Variants in IQSEC1 observed in about 807,000 individuals in gnomAD.
The protein encoded by IQSEC1 is IQ motif and Sec7 domain ArfGEF 1.
In IQSEC1, 31 loss-of-function variants were observed where a neutral mutation model predicts 91.0. That is an observed-to-expected ratio of 0.34 (90% CI 0.26 to 0.46). The LOEUF is 0.46. Among genes scored for constraint, IQSEC1 ranks in the 20% least tolerant of loss-of-function variants. The pLI, the probability that IQSEC1 is intolerant of heterozygous loss-of-function variation, is 1.00. For synonymous variants in IQSEC1, 699 were observed against 662.6 expected, an observed-to-expected ratio of 1.05 and a Z score of -0.84; for missense variants, 1,388 against 1,575.6, an observed-to-expected ratio of 0.88 and a Z score of 2.02.
intron 2 of IQSEC1, among the ~76,000 whole-genome samples, chr3:13,100,822 C>T (rs1252587793): frequency 2.0e-5 from 3 of 148,824 alleles, no homozygotes; most frequent in East Asian, 3.8e-4. Flanking sequence ...GCCACAGCGT[C>T]GGGGGGACCG....
chr3:13,220,079 G>A (rs961642829), intron 1 of IQSEC1, among the ~76,000 whole-genome samples: 1 of 152,246 alleles, frequency 6.6e-6, no homozygotes, highest in African/African-American at 2.4e-5. Context: ...GGCTCCTGCT[G>A]GGACACTATT....
chr3:13,057,427 A>G (rs571087535), intron 1 of IQSEC1, among the ~76,000 whole-genome samples: 2 of 152,120 alleles, frequency 1.3e-5, no homozygotes, highest in Non-Finnish European at 2.9e-5. Flanking sequence ...CACAACACAC[A>G]CTCAGAACCA....
At position 12,922,032 on chromosome 3, in the gene IQSEC1, G is replaced by T. The variant is rs1278620251; in HGVS notation, c.1853+88C>A. On this transcript the variant is annotated intron_variant, in intron 5 of 13. Coordinates refer to ENST00000613206, the MANE Select transcript of IQSEC1 (RefSeq NM_001134382.3). The surrounding 1 kb of genome is among the most constrained non-coding windows in gnomAD (Gnocchi z 5.1). Reference sequence around the variant, plus strand: ...CCTGGCCCTGTCTAGGGATGGTGGGGATGCAGTCTTTGGTCCATCCTCGGG... The same window carrying T: ...CCTGGCCCTGTCTAGGGATGGTGGGTATGCAGTCTTTGGTCCATCCTCGGG... 2 of 1,437,186 alleles carry T rather than the reference G, an allele frequency of 1.4e-6. No individual in the cohort carries two copies. The highest frequency in any genetic ancestry group is 2.9e-5 in the African/African-American group (2 of 69,432). The allele number at this position is 1,437,186 out of a possible 1,614,324, so 89.0% of individuals were successfully genotyped here. A position where few individuals can be genotyped will look rare whatever the true frequency, so the allele number is the denominator to read the frequency against.
At chr3:12,938,834 T>TG (rs1027195064) in intron 2 of IQSEC1, among the ~76,000 whole-genome samples, 1 of 152,104 alleles carries the variant, frequency 6.6e-6, no homozygotes. Context: ...CTGTGTGTGT[T>TG]GGGGGCGAAG....
At chr3:13,164,241 C>T (rs1693425604) in intron 1 of IQSEC1, among the ~76,000 whole-genome samples, 1 of 152,112 alleles carries the variant, frequency 6.6e-6, no homozygotes, top group South Asian at 2.1e-4. Flanking sequence ...TCCCAGCATC[C>T]CCTCCCCAGC....
At position 13,027,372 on chromosome 3, in the gene IQSEC1, G is replaced by A. The variant is rs892274; in HGVS notation, c.23+45620C>T. Among the ~76,000 whole-genome samples, 1,326 of 152,280 alleles carry A rather than the reference G, an allele frequency of 8.7e-3. 16 individuals are homozygous for A. The highest frequency in any genetic ancestry group is 0.031 in the African/African-American group (1,271 of 41,544). ...GGAAAGAAGGCAGAGAAGAGCTTCC[G>A]CAAGTCCATCTTATGGAGCACAAAG... On this transcript the variant is annotated intron_variant, in intron 1 of 13. Coordinates refer to ENST00000613206, the MANE Select transcript of IQSEC1 (RefSeq NM_001134382.3).
chr3:13,183,123 C>T (rs1032746593), intron 1 of IQSEC1, among the ~76,000 whole-genome samples: 3 of 151,788 alleles, frequency 2.0e-5, no homozygotes, highest in Admixed American at 2.0e-4. Context: ...GAGATCACAC[C>T]ACCACACTCC....
rs1406779969 is a variant in IQSEC1, at chr3:12,967,740, A to C, written c.24-25875T>G. On this transcript the variant is annotated intron_variant, in intron 1 of 13. Transcript: ENST00000613206. The surrounding 1 kb of genome is among the most constrained non-coding windows in gnomAD (Gnocchi z 5.9). ...AATGTGGCCCTGAAGTGGGCGGGGC[A>C]GGGCGGGGGCGGGGCCGGAGGGCGA... 3.1e-5 allele frequency: 33 copies of C among 1,047,852 alleles called. No homozygotes were observed. Among genetic ancestry groups the C allele is most frequent in the Admixed American group, 5.5e-5 (1 of 18,104 alleles). The allele number at this position is 1,047,852 out of a possible 1,614,324, so 64.9% of individuals were successfully genotyped here.
At chr3:13,180,631 G>A (rs1291214427) in intron 1 of IQSEC1, among the ~76,000 whole-genome samples, 1 of 151,922 alleles carries the variant, frequency 6.6e-6, no homozygotes, top group African/African-American at 2.4e-5. Flanking sequence ...TCTTGCTGCT[G>A]CTCACTCTTT....
chr3:13,110,309 G>A (rs1314386849), intron 2 of IQSEC1, among the ~76,000 whole-genome samples: 3 of 152,058 alleles, frequency 2.0e-5, no homozygotes, highest in South Asian at 2.1e-4. Context: ...AAAGAAACCC[G>A]GCCGGGCGCG....
At chr3:13,218,377 T>C (rs1443020583) in intron 1 of IQSEC1, among the ~76,000 whole-genome samples, 1 of 152,172 alleles carries the variant, frequency 6.6e-6, no homozygotes, top group East Asian at 1.9e-4. Flanking sequence ...GAATGACTCA[T>C]AGGTGTGTGC....
chr3:13,222,402 A>G (rs1366150393), intron 1 of IQSEC1, among the ~76,000 whole-genome samples: 1 of 152,120 alleles, frequency 6.6e-6, no homozygotes, highest in Non-Finnish European at 1.5e-5. Context: ...ACCTTTGGCT[A>G]TTGTGAGTAA....
intron 1 of IQSEC1, among the ~76,000 whole-genome samples, chr3:13,227,351 G>A (rs1363745484): frequency 7.3e-6 from 1 of 136,330 alleles, no homozygotes; most frequent in African/African-American, 3.0e-5. Context: ...ATTCCAGCCT[G>A]GGCGACAAAG....
In IQSEC1 at chr3:12,965,456, C is replaced by T. The variant is rs187926280; in HGVS notation, c.24-23591G>A. ...CAAGGACTGGGTTGATTTCCTCTACCCCTCCCCCAAGCTTCCCATGGAACC... is the reference window on the plus strand; with the variant it reads ...CAAGGACTGGGTTGATTTCCTCTACTCCTCCCCCAAGCTTCCCATGGAACC... On this transcript the variant is annotated intron_variant, in intron 1 of 13. Transcript: ENST00000613206. Among the ~76,000 whole-genome samples the T allele has an allele frequency of 3.2e-3, 482 of 152,326 alleles. 1 individual carries two copies. Among genetic ancestry groups the T allele is most frequent in the Middle Eastern group, 0.014 (4 of 294 alleles).
chr3:13,073,241 C>T lies in IQSEC1; in HGVS notation c.-227G>A. ...AGGGCCCTGGCACGTAGCGCGCGCTCACACCGTGCCCAGGAGCGAGCGAGG... is the reference window on the plus strand; with the variant it reads ...AGGGCCCTGGCACGTAGCGCGCGCTTACACCGTGCCCAGGAGCGAGCGAGG... On this transcript the variant is annotated 5_prime_UTR_variant, in exon 1 of 14. Coordinates refer to ENST00000613206, the MANE Select transcript of IQSEC1 (RefSeq NM_001134382.3). 1.7e-6 allele frequency: 1 copy of T among 597,114 alleles called. No individual in the cohort carries two copies. The highest frequency in any genetic ancestry group is 2.9e-5 in the Admixed American group (1 of 34,356). The allele number at this position is 597,114 out of a possible 1,614,324, so 37.0% of individuals were successfully genotyped here. A position where few individuals can be genotyped will look rare whatever the true frequency, so the allele number is the denominator to read the frequency against.
At chr3:13,075,602 A>G (rs1013663623), upstream of IQSEC1, among the ~76,000 whole-genome samples, 2 of 152,116 alleles carry the variant, frequency 1.3e-5, no homozygotes, top group African/African-American at 4.8e-5. Context: ...CTTCTTATAA[A>G]CGTACTCTCC....
In IQSEC1 at chr3:12,922,606, C is replaced by T. The variant is rs910995801; in HGVS notation, c.1731-364G>A. Among the ~76,000 whole-genome samples, 1 of 152,208 alleles carries T rather than the reference C, an allele frequency of 6.6e-6. No individual in the cohort carries two copies. The highest frequency in any genetic ancestry group is 2.4e-5 in the African/African-American group (1 of 41,448). On this transcript the variant is annotated intron_variant, in intron 4 of 13. Coordinates refer to ENST00000613206, the MANE Select transcript of IQSEC1 (RefSeq NM_001134382.3). The surrounding 1 kb of genome is among the most constrained non-coding windows in gnomAD (Gnocchi z 5.1). ...TGGACGCCACTGTGAGTCTCCTCTC[C>T]TTCTGCACGGGGTTGGGGAGTTTGC...
At chr3:12,986,292 C>T (rs575078014) in intron 1 of IQSEC1, among the ~76,000 whole-genome samples, 1 of 152,130 alleles carries the variant, frequency 6.6e-6, no homozygotes, top group Non-Finnish European at 1.5e-5. Flanking sequence ...GCCTAGAGTT[C>T]CCTGGAGCCC....
chr3:12,905,442 G>A (rs1422186380), intron 12 of IQSEC1, among the ~76,000 whole-genome samples: 1 of 152,266 alleles, frequency 6.6e-6, no homozygotes, highest in Non-Finnish European at 1.5e-5. Context: ...ACACTCGGCC[G>A]GCGCTGCCTG....
Sources: gnomAD v4.1 joint callset for allele counts (sites outside exome capture counted in the v4.1 genomes callset) on GRCh38, gnomAD v4.1.1 for gene constraint, Gnocchi (gnomAD v3.1) non-coding constraint, MANE v1.5 for transcripts, NCBI Gene and HGNC (gene_info 2026-07-23, HGNC 2026-07-21) for gene names.